Variants in ZNF92 observed in about 807,000 individuals in gnomAD.
The protein encoded by ZNF92 is zinc finger protein 92.
ZNF92 carries 11 observed loss-of-function variants against 12.4 expected under a neutral mutation model. That is an observed-to-expected ratio of 0.89 (90% CI 0.56 to 1.47). ZNF92 has a LOEUF of 1.47. ZNF92 is among the 40% of genes most tolerant of loss of function. ZNF92 has a pLI of 0.00. For synonymous variants in ZNF92, 206 were observed against 228.6 expected, an observed-to-expected ratio of 0.90 and a Z score of 0.89; for missense variants, 622 against 681.0, an observed-to-expected ratio of 0.91 and a Z score of 0.96.
chr7:65,386,941 T>TC (rs1243364769), intron 1 of ZNF92, among the ~76,000 whole-genome samples: 2 of 107,314 alleles, frequency 1.9e-5, no homozygotes, highest in Non-Finnish European at 3.8e-5. Flanking sequence ...TCTTTCTTCT[T>TC]TTTTTTTTTT....
At chr7:65,379,417 G>T (rs1329734590) in intron 1 of ZNF92, among the ~76,000 whole-genome samples, 1 of 152,074 alleles carries the variant, frequency 6.6e-6, no homozygotes, top group East Asian at 1.9e-4. Flanking sequence ...CTGTACACAG[G>T]CTGTCACACT....
chr7:65,397,809 G>GTGC, intron 3 of ZNF92, among the ~76,000 whole-genome samples: 1 of 151,908 alleles, frequency 6.6e-6, no homozygotes, highest in South Asian at 2.1e-4. Flanking sequence ...GCTGTCTGTG[G>GTGC]TGCTGCTGCA....
intron 3 of ZNF92, among the ~76,000 whole-genome samples, chr7:65,392,033 C>T (rs1793729476): frequency 6.6e-6 from 1 of 151,904 alleles, no homozygotes; most frequent in Non-Finnish European, 1.5e-5. Context: ...GTTTTTGTTT[C>T]TTGTTTTTAC....
intron 1 of ZNF92, among the ~76,000 whole-genome samples, chr7:65,381,458 C>T (rs965165957): frequency 2.0e-5 from 3 of 151,456 alleles, no homozygotes; most frequent in African/African-American, 7.3e-5. Flanking sequence ...TTTCTTTATT[C>T]TCTAGGTTGT....
At chr7:65,389,665 C>T (rs888601666) in intron 3 of ZNF92, among the ~76,000 whole-genome samples, 24 of 151,496 alleles carry the variant, frequency 1.6e-4, no homozygotes, top group Admixed American at 1.1e-3. Context: ...TATAGGCATG[C>T]ACCACCACGT....
At chr7:65,377,600 T>TGGCGCGATCTAGACTCACTGCAAC (rs61153673) in intron 1 of ZNF92, among the ~76,000 whole-genome samples, 23 of 151,438 alleles carry the variant, frequency 1.5e-4, no homozygotes, top group African/African-American at 5.6e-4. Context: ...TGGAGTGCAC[T>TGGCGCGATCTAGACTCACTGCAAC]GGCGCGATCT....
intron 1 of ZNF92, among the ~76,000 whole-genome samples, chr7:65,374,964 C>T (rs1020480781): frequency 9.2e-5 from 14 of 152,042 alleles, no homozygotes; most frequent in Non-Finnish European, 1.0e-4. Flanking sequence ...CCCTAATTCG[C>T]ATTAGCAAGT....
intron 3 of ZNF92, among the ~76,000 whole-genome samples, chr7:65,393,041 G>A (rs4718233): frequency 0.99 from 150,115 of 152,174 alleles, 74,070 homozygotes; most frequent in East Asian, 1. Context: ...GTGACAAGTG[G>A]GACCCTGTCT....
At chr7:65,395,549 G>A (rs1041631602) in intron 3 of ZNF92, among the ~76,000 whole-genome samples, 4 of 152,042 alleles carry the variant, frequency 2.6e-5, no homozygotes, top group Admixed American at 2.6e-4. Context: ...TGTTTGATGT[G>A]GGACCTGGAG....
intron 3 of ZNF92, among the ~76,000 whole-genome samples, chr7:65,392,929 C>G (rs1274382630): frequency 6.6e-6 from 1 of 151,998 alleles, no homozygotes; most frequent in Non-Finnish European, 1.5e-5. Context: ...TGGTTGTCAC[C>G]TGTGGTCCCA....
At chr7:65,382,611 A>G (rs1484688374) in intron 1 of ZNF92, among the ~76,000 whole-genome samples, 4 of 152,058 alleles carry the variant, frequency 2.6e-5, no homozygotes, top group Admixed American at 6.6e-5. Flanking sequence ...ACCTCTTTCA[A>G]TGACTCTTGT....
chr7:65,389,325 T>G (rs192632196), intron 3 of ZNF92, among the ~76,000 whole-genome samples: 1 of 152,136 alleles, frequency 6.6e-6, no homozygotes, highest in East Asian at 1.9e-4. Flanking sequence ...AGCCTGAAAC[T>G]TTTATTTTGC....
At chr7:65,395,547 G>A (rs1471434267) in intron 3 of ZNF92, among the ~76,000 whole-genome samples, 1 of 152,142 alleles carries the variant, frequency 6.6e-6, no homozygotes, top group Non-Finnish European at 1.5e-5. Flanking sequence ...AATGTTTGAT[G>A]TGGGACCTGG....
chr7:65,375,473 A>T (rs1793213659), intron 1 of ZNF92, among the ~76,000 whole-genome samples: 2 of 152,020 alleles, frequency 1.3e-5, no homozygotes, highest in African/African-American at 4.8e-5. Context: ...AGATATTAAG[A>T]TTGTCTTCAC....
chr7:65,391,736 AATT>A (rs1016019186), intron 3 of ZNF92, among the ~76,000 whole-genome samples: 54 of 152,216 alleles, frequency 3.5e-4, no homozygotes, highest in African/African-American at 1.3e-3. Context: ...AAAACATAAA[AATT>A]ATCTCAATTT....
At chr7:65,386,298 C>T (rs1793562613) in intron 1 of ZNF92, among the ~76,000 whole-genome samples, 2 of 152,064 alleles carry the variant, frequency 1.3e-5, no homozygotes, top group Non-Finnish European at 2.9e-5. Flanking sequence ...GGATTACAGG[C>T]ATGAGCCACC....
Position 65,399,001 on chromosome 7 carries a change from A to G in ZNF92, c.887A>G (p.Gln296Arg), listed in dbSNP as rs1172617537. The G allele has an allele frequency of 7.4e-6, 12 of 1,612,930 alleles. No individual in the cohort carries two copies. The highest frequency in any genetic ancestry group is 4.2e-6 in the Non-Finnish European group (5 of 1,179,594). The part of the protein sequence containing the change: ...KCEECGKAFN[Q>R]FSILNKHKRI... Reference sequence around the variant, plus strand: ...GAAGAATGTGGCAAGGCCTTTAACCAGTTCTCGATTCTTAATAAACATAAG... The same window carrying G: ...GAAGAATGTGGCAAGGCCTTTAACCGGTTCTCGATTCTTAATAAACATAAG... The change falls in exon 4 of 4, where the codon CAG (glutamine) becomes CGG (arginine). Residue 296 changes from glutamine (Q) to arginine (R), a missense_variant. Transcript: ENST00000328747.
chr7:65,387,822 A>G (rs1793612703), intron 1 of ZNF92, 80 bp from the exon 2 acceptor site: 3 of 1,445,756 alleles, frequency 2.1e-6, no homozygotes, highest in Middle Eastern at 1.9e-4. Flanking sequence ...CTTTCATTTC[A>G]CCTTAAGTCA....
At chr7:65,397,010 CT>C (rs201444012) in intron 3 of ZNF92, among the ~76,000 whole-genome samples, 15 of 149,616 alleles carry the variant, frequency 1.0e-4, no homozygotes, top group East Asian at 5.9e-4. Context: ...CTCTGTACTA[CT>C]TTTTTTTTTC....
Sources: allele counts gnomAD v4.1 joint callset (sites outside exome capture counted in the v4.1 genomes callset), GRCh38; gene constraint gnomAD v4.1.1; transcripts MANE v1.5; gene names NCBI Gene and HGNC (gene_info 2026-07-23, HGNC 2026-07-21).